SLC44A5: variants seen among roughly 807,000 people sequenced by gnomAD.
The protein encoded by SLC44A5 is choline transporter-like protein 5.
A neutral mutation model predicts 101.8 loss-of-function variants in SLC44A5; 57 were observed. The ratio of observed to expected loss-of-function variants is 0.56; its 90% CI spans 0.45 to 0.70. The LOEUF (loss-of-function observed/expected upper bound fraction) is 0.70. SLC44A5 is among the 30% of genes least tolerant of loss of function. The pLI, the probability that SLC44A5 is intolerant of heterozygous loss-of-function variation, is 0.00. For missense variants in SLC44A5, 737 were observed against 853.1 expected (o/e 0.86, Z 1.70); for synonymous variants, 281 against 290.9 (o/e 0.97, Z 0.35).
chr1:75,393,390 C>T (rs1229088138), intron 3 of SLC44A5, among the ~76,000 whole-genome samples: 3 of 152,116 alleles, frequency 2.0e-5, no homozygotes, highest in Admixed American at 2.0e-4. Context: ...ATACATATGA[C>T]AATGTAATCA....
chr1:75,559,206 T>C (rs1047809832), intron 1 of SLC44A5, among the ~76,000 whole-genome samples: 2 of 151,988 alleles, frequency 1.3e-5, no homozygotes, highest in Admixed American at 1.3e-4. Context: ...CAGTTCCTAA[T>C]AGGTACTCAG....
rs1208680438 is a variant in SLC44A5 at position 75,280,440 on chromosome 1, A to ATTG, written c.176-5399_176-5398insCAA. Among the ~76,000 whole-genome samples, 60 of 102,910 alleles carry ATTG rather than the reference A, an allele frequency of 5.8e-4. 6 individuals carry two copies. Among genetic ancestry groups the ATTG allele is most frequent in the Non-Finnish European group, 8.9e-4 (49 of 54,856 alleles). 67.5% of individuals were successfully genotyped at this position (102,910 alleles called of 152,430 possible). On this transcript the variant is annotated intron_variant, in intron 5 of 23. Coordinates refer to ENST00000370859, the MANE Select transcript of SLC44A5 (RefSeq NM_001130058.2). ...AATATATATATTGTATATATTATATATAGTATATATTATATATAGTATATA... is the reference window on the plus strand; with the variant it reads ...AATATATATATTGTATATATTATATATTGTAGTATATATTATATATAGTATATA...
intron 3 of SLC44A5, among the ~76,000 whole-genome samples, chr1:75,342,464 T>C (rs1001903587): frequency 1.3e-5 from 2 of 152,130 alleles, no homozygotes; most frequent in Non-Finnish European, 2.9e-5. Context: ...GAAGTTGGGG[T>C]ACAGAAAGGT....
At chr1:75,456,284 A>C in intron 2 of SLC44A5, among the ~76,000 whole-genome samples, 1 of 152,162 alleles carries the variant, frequency 6.6e-6, no homozygotes, top group East Asian at 1.9e-4. Context: ...TGTTCTCACA[A>C]GTGGGAACTA....
At chr1:75,256,684 C>G (rs1650048071) in intron 6 of SLC44A5, among the ~76,000 whole-genome samples, 1 of 151,934 alleles carries the variant, frequency 6.6e-6, no homozygotes, top group Non-Finnish European at 1.5e-5. Context: ...GAAAGTATTT[C>G]CAGAAAGTAA....
At chr1:75,614,609 C>T (rs567441695), upstream of SLC44A5, among the ~76,000 whole-genome samples, 1 of 152,332 alleles carries the variant, frequency 6.6e-6, no homozygotes, top group African/African-American at 2.4e-5. Flanking sequence ...GCAAAAAGCA[C>T]GCCAAAGCCT....
At chr1:75,477,572 TGAAAAC>T (rs1271723622) in intron 2 of SLC44A5, among the ~76,000 whole-genome samples, 4 of 152,206 alleles carry the variant, frequency 2.6e-5, no homozygotes, top group African/African-American at 9.6e-5. Flanking sequence ...CTGATGGAGC[TGAAAAC>T]CAAGGCTCGA....
chr1:75,449,667 T>A (rs1374497370), intron 2 of SLC44A5, among the ~76,000 whole-genome samples: 1 of 151,840 alleles, frequency 6.6e-6, no homozygotes, highest in African/African-American at 2.4e-5. Context: ...AGACGAGTGG[T>A]TTTTTTTCCC....
chr1:75,681,417 G>C, the SLC44A5 span, among the ~76,000 whole-genome samples: 17 of 151,686 alleles, frequency 1.1e-4, no homozygotes, highest in Non-Finnish European at 2.1e-4. Flanking sequence ...CCATGATCAA[G>C]TGGGCTTCAT....
At chr1:75,388,249 G>A (rs1229275018) in intron 3 of SLC44A5, among the ~76,000 whole-genome samples, 3 of 123,342 alleles carry the variant, frequency 2.4e-5, no homozygotes, top group East Asian at 2.3e-4. Flanking sequence ...AAAAAAAACA[G>A]TATTAAAAAA....
intron 1 of SLC44A5, among the ~76,000 whole-genome samples, chr1:75,573,901 T>G (rs1446181071): frequency 6.6e-6 from 1 of 152,212 alleles, no homozygotes; most frequent in Non-Finnish European, 1.5e-5. Flanking sequence ...AAATAGCACT[T>G]GCATCTTCTA....
intron 3 of SLC44A5, among the ~76,000 whole-genome samples, chr1:75,376,078 A>G (rs936614116): frequency 1.3e-5 from 2 of 152,196 alleles, no homozygotes; most frequent in Non-Finnish European, 2.9e-5. Context: ...GGGGTGACGG[A>G]CGCACCTGGA....
the SLC44A5 span, among the ~76,000 whole-genome samples, chr1:75,657,207 A>G: frequency 1.3e-5 from 2 of 152,102 alleles, no homozygotes; most frequent in Non-Finnish European, 2.9e-5. Flanking sequence ...AGATCCAACT[A>G]TATGCTGCCT....
intron 2 of SLC44A5, among the ~76,000 whole-genome samples, chr1:75,517,412 A>T (rs1038003228): frequency 3.9e-5 from 6 of 152,124 alleles, no homozygotes; most frequent in African/African-American, 1.4e-4. Context: ...AGACCTTGTG[A>T]CCCAAAAAAA....
At chr1:75,683,484 T>C in the SLC44A5 span, among the ~76,000 whole-genome samples, 2 of 151,942 alleles carry the variant, frequency 1.3e-5, no homozygotes, top group East Asian at 3.9e-4. Context: ...GAAATCATCA[T>C]TCTCAGTAAA....
chr1:75,651,032 A>G, the SLC44A5 span, among the ~76,000 whole-genome samples: 8 of 152,238 alleles, frequency 5.3e-5, no homozygotes, highest in Non-Finnish European at 1.0e-4. Context: ...CCTATAAAAA[A>G]GAATGTTGAA....
the SLC44A5 span, among the ~76,000 whole-genome samples, chr1:75,642,413 G>A: frequency 6.6e-6 from 1 of 152,084 alleles, no homozygotes; most frequent in Non-Finnish European, 1.5e-5. Context: ...CTGTGAGATG[G>A]TCAAGCCCAT....
chr1:75,244,263 C>A (rs1486800531), intron 7 of SLC44A5, among the ~76,000 whole-genome samples: 1 of 152,020 alleles, frequency 6.6e-6, no homozygotes, highest in Non-Finnish European at 1.5e-5. Context: ...TGTGTATGTG[C>A]GTAGTTCTAT....
intron 3 of SLC44A5, among the ~76,000 whole-genome samples, chr1:75,356,471 G>T (rs1343824238): frequency 1.3e-5 from 2 of 151,660 alleles, no homozygotes; most frequent in Non-Finnish European, 2.9e-5. Context: ...TATAAAGAAA[G>T]AAAATTTTTT....
Sources: allele counts gnomAD v4.1 joint callset (sites outside exome capture counted in the v4.1 genomes callset), GRCh38; gene constraint gnomAD v4.1.1; transcripts MANE v1.5; gene names NCBI Gene and HGNC (gene_info 2026-07-23, HGNC 2026-07-21).